Variants in PTPRJ observed in about 807,000 individuals in gnomAD.
The protein encoded by PTPRJ is protein tyrosine phosphatase receptor type J, also known as receptor-type tyrosine-protein phosphatase eta.
A neutral mutation model predicts 141.3 loss-of-function variants in PTPRJ; 129 were observed. The ratio of observed to expected loss-of-function variants is 0.91; its 90% CI spans 0.79 to 1.06. PTPRJ has a LOEUF of 1.06. Ranked by LOEUF, PTPRJ falls within the 50% of genes least tolerant of loss-of-function variation. The probability of loss-of-function intolerance (pLI) is 0.00; values close to 1 mark genes in which losing one functional copy is unlikely to be tolerated. For missense variants in PTPRJ, 1,601 were observed against 1,679.7 expected (o/e 0.95, Z 0.82); for synonymous variants, 610 against 640.5 (o/e 0.95, Z 0.72).
intron 1 of PTPRJ, among the ~76,000 whole-genome samples, chr11:48,070,494 T>A (rs1855216580): frequency 7.2e-6 from 1 of 139,604 alleles, no homozygotes; most frequent in Non-Finnish European, 1.5e-5. Context: ...GGCAAGACTC[T>A]GTCTCCAAAA....
At chr11:48,049,197 C>T (rs933747587) in intron 1 of PTPRJ, among the ~76,000 whole-genome samples, 2 of 152,044 alleles carry the variant, frequency 1.3e-5, no homozygotes, top group South Asian at 2.1e-4. Context: ...TGGCCTCTAT[C>T]CACTAGATGC....
chr11:47,998,675 G>A (rs1254629093), intron 1 of PTPRJ, among the ~76,000 whole-genome samples: 1 of 152,208 alleles, frequency 6.6e-6, no homozygotes, highest in Non-Finnish European at 1.5e-5. Context: ...CCGGCAAGGT[G>A]CCTGGCATAC....
At chr11:48,163,738 T>C in intron 23 of PTPRJ, 120 bp downstream of exon 23, 1 of 1,232,474 alleles carries the variant, frequency 8.1e-7, no homozygotes, top group Non-Finnish European at 1.1e-6. Context: ...AGGAAAGGTT[T>C]GGATAAGGAA....
chr11:47,981,014 C>G lies in PTPRJ; in HGVS notation c.96+6C>G, dbSNP rs1853888349. 8.4e-7 allele frequency: 1 copy of G among 1,185,126 alleles called. No homozygotes were observed. 73.4% of individuals were successfully genotyped at this position (1,185,126 alleles called of 1,614,324 possible). The stretch of plus-strand genomic sequence containing the variant: ...TGCTGCTGCGCCTGGGCCAGGTAAG[C>G]GCCGGGTGGGCTCGGGCGGGGGGCA... On this transcript the variant is annotated splice_donor_region_variant and intron_variant, in intron 1 of 24. Coordinates refer to ENST00000418331, the MANE Select transcript of PTPRJ (RefSeq NM_002843.4).
At chr11:48,109,941 T>A (rs1439963942) in intron 1 of PTPRJ, 117 bp from the exon 2 acceptor site, 4 of 1,174,268 alleles carry the variant, frequency 3.4e-6, no homozygotes, top group Non-Finnish European at 5.1e-6. Context: ...AGACCTTTGC[T>A]TAATGTGCTT....
At chr11:48,155,755 A>G in intron 19 of PTPRJ, 46 bp from the exon 20 acceptor site, 1 of 1,469,422 alleles carries the variant, frequency 6.8e-7, no homozygotes, top group Non-Finnish European at 9.3e-7. Context: ...CAACTTTACT[A>G]AAACATTTGC....
chr11:48,048,260 C>G (rs902972149), intron 1 of PTPRJ, among the ~76,000 whole-genome samples: 9 of 152,244 alleles, frequency 5.9e-5, no homozygotes, highest in South Asian at 2.1e-4. Context: ...TAATCCCAAG[C>G]AGCTCTGCTC....
At chr11:47,997,201 C>G (rs1215291929) in intron 1 of PTPRJ, among the ~76,000 whole-genome samples, 3 of 152,244 alleles carry the variant, frequency 2.0e-5, no homozygotes, top group Admixed American at 2.0e-4. Context: ...CCCCCTCCCC[C>G]ACAGACAAAA....
intron 1 of PTPRJ, among the ~76,000 whole-genome samples, chr11:48,070,708 A>G (rs1212302374): frequency 6.6e-6 from 1 of 152,170 alleles, no homozygotes; most frequent in Non-Finnish European, 1.5e-5. Context: ...GGATTTCTCC[A>G]TGGGCCTTTT....
At chr11:48,039,591 T>C (rs1488066328) in intron 1 of PTPRJ, among the ~76,000 whole-genome samples, 2 of 152,026 alleles carry the variant, frequency 1.3e-5, no homozygotes, top group Non-Finnish European at 2.9e-5. Context: ...ATCCTGAATC[T>C]TCCCTACTCC....
At position 48,164,427 on chromosome 11, in the gene PTPRJ, T is replaced by C. The variant is rs1224753830; in HGVS notation, c.3767T>C (p.Ile1256Thr). 6.2e-7 allele frequency: 1 copy of C among 1,614,184 alleles called. No homozygotes were observed. Among genetic ancestry groups the C allele is most frequent in the East Asian group, 2.2e-5 (1 of 44,888 alleles). ...TGTFIAIDRL[I>T]YQIENENTVD... is the part of the protein sequence containing the mutation. Reference sequence around the variant, plus strand: ...ACTTTCATTGCCATTGATCGTCTCATCTACCAGATAGAGAATGAGAACACC... The same window carrying C: ...ACTTTCATTGCCATTGATCGTCTCACCTACCAGATAGAGAATGAGAACACC... Residue 1256 changes from isoleucine to threonine, a missense_variant, in exon 24 of 25, where the codon ATC becomes ACC. Physicochemically the swap from Ile to Thr is moderately conservative, Grantham distance 89. Transcript: ENST00000418331.
intron 1 of PTPRJ, among the ~76,000 whole-genome samples, chr11:48,035,325 G>A (rs1216098004): frequency 1.3e-5 from 2 of 152,144 alleles, no homozygotes; most frequent in Non-Finnish European, 2.9e-5. Context: ...CTTTCCTAAA[G>A]CACCGCAGAT....
chr11:48,140,309 C>A (rs1337837390), intron 11 of PTPRJ, among the ~76,000 whole-genome samples: 1 of 152,218 alleles, frequency 6.6e-6, no homozygotes, highest in East Asian at 1.9e-4. Context: ...GGATTACCCA[C>A]GTGAGCCACT....
chr11:48,140,419 G>A (rs1857203812), intron 11 of PTPRJ, among the ~76,000 whole-genome samples: 1 of 152,236 alleles, frequency 6.6e-6, no homozygotes, highest in South Asian at 2.1e-4. Context: ...CTGGAGCATA[G>A]GACTGAGAAG....
chr11:48,000,982 A>ATTTTTTTTT (rs1002159076), intron 1 of PTPRJ, among the ~76,000 whole-genome samples: 1 of 122,884 alleles, frequency 8.1e-6, no homozygotes, highest in Non-Finnish European at 1.7e-5. Context: ...GTCCCATATA[A>ATTTTTTTTT]TTTTTTTTTT....
Position 48,091,270 on chromosome 11 carries a change from T to C in PTPRJ, c.97-18788T>C, listed in dbSNP as rs971176593. 2.6e-5 allele frequency among the ~76,000 whole-genome samples: 4 copies of C among 152,190 alleles called. No homozygotes were observed. The East Asian group carries it at 7.7e-4, about 29-fold the overall frequency. On this transcript the variant is annotated intron_variant, in intron 1 of 24. Coordinates refer to ENST00000418331, the MANE Select transcript of PTPRJ (RefSeq NM_002843.4). ...GTAAAATGGAGCTGAGAGCATCCCT[T>C]ATATCACAGGAATGTCATTAGGATT... is the stretch of plus-strand genomic sequence containing the variant.
At position 48,125,067 on chromosome 11, in the gene PTPRJ, C is replaced by T; in HGVS notation, c.974C>T (p.Ser325Phe). ...GPVDPSSGQQSRDTEVLLVGL... is the reference protein window; with the variant it reads ...GPVDPSSGQQFRDTEVLLVGL... ...GTGGACCCATCCTCCGGCCAGCAGT[C>T]CCGAGACACGGAAGTCCTGCTTGTC... The change falls in exon 6 of 25, where the codon TCC (serine) becomes TTC (phenylalanine). Residue 325 changes from serine (S) to phenylalanine (F), a missense_variant. Coordinates refer to ENST00000418331, the MANE Select transcript of PTPRJ (RefSeq NM_002843.4). 6.2e-7 allele frequency: 1 copy of T among 1,614,082 alleles called. No homozygotes were observed. The highest frequency in any genetic ancestry group is 8.5e-7 in the Non-Finnish European group (1 of 1,180,006).
At position 48,158,592 on chromosome 11, in the gene PTPRJ, C is replaced by A. The variant is rs1857670918; in HGVS notation, c.3439-1338C>A. On this transcript the variant is annotated intron_variant, in intron 21 of 24. Coordinates refer to ENST00000418331, the MANE Select transcript of PTPRJ (RefSeq NM_002843.4). The surrounding 1 kb of genome is among the most constrained non-coding windows in gnomAD (Gnocchi z 4.4). ...TGGGTTGTTTCTTTGGAACCTGGGT[C>A]TTTAAAGAAATACAGATCCCGCAGC... 6.6e-6 allele frequency among the ~76,000 whole-genome samples: 1 copy of A among 152,136 alleles called. No individual in the cohort carries two copies. Among genetic ancestry groups the A allele is most frequent in the Non-Finnish European group, 1.5e-5 (1 of 68,026 alleles).
chr11:48,065,302 C>G lies in PTPRJ; in HGVS notation c.97-44756C>G, dbSNP rs1438086830. On this transcript the variant is annotated intron_variant, in intron 1 of 24. Coordinates refer to ENST00000418331, the MANE Select transcript of PTPRJ (RefSeq NM_002843.4). Reference sequence around the variant, plus strand: ...GTGATGGGATTACAGATGTGAGTCACTGCGCCTGGCCAACTGCTTTGGTTT... The same window carrying G: ...GTGATGGGATTACAGATGTGAGTCAGTGCGCCTGGCCAACTGCTTTGGTTT... Among the ~76,000 whole-genome samples, 2 of 152,140 alleles carry G rather than the reference C, an allele frequency of 1.3e-5. 1 individual carries two copies. The highest frequency in any genetic ancestry group is 2.9e-5 in the Non-Finnish European group (2 of 68,018).
Sources: allele counts gnomAD v4.1 joint callset (sites outside exome capture counted in the v4.1 genomes callset), GRCh38; gene constraint gnomAD v4.1.1; non-coding constraint Gnocchi (gnomAD v3.1); transcripts MANE v1.5; gene names NCBI Gene and HGNC (gene_info 2026-07-23, HGNC 2026-07-21).